The following PLPP4 variants were observed in gnomAD, a reference collection of about 807,000 sequenced individuals.
PLPP4 encodes diacylglycerol pyrophosphate like 2.
PLPP4 carries 20 observed loss-of-function variants against 32.2 expected under a neutral mutation model. The observed-to-expected ratio is 0.62, with a 90% CI of 0.44 to 0.90. The LOEUF is 0.90. Ranked by LOEUF, PLPP4 falls within the 40% of genes least tolerant of loss-of-function variation. PLPP4 has a pLI of 0.00. For synonymous variants in PLPP4, 127 were observed against 133.0 expected (o/e 0.95, Z 0.31); for missense variants, 257 against 353.1 (o/e 0.73, Z 2.18).
chr10:120,579,271 TAAGA>T (rs1849369891), intron 6 of PLPP4, among the ~76,000 whole-genome samples: 1 of 152,158 alleles, frequency 6.6e-6, no homozygotes, highest in East Asian at 1.9e-4. Flanking sequence ...TGTTTCATTA[TAAGA>T]AAGAACATCC....
chr10:120,582,771 C>T (rs1463203299), intron 6 of PLPP4, among the ~76,000 whole-genome samples: 2 of 83,460 alleles, frequency 2.4e-5, no homozygotes, highest in South Asian at 1.1e-3. Flanking sequence ...CCCTCCCTCC[C>T]TTCCTCCCTC....
At chr10:120,534,056 T>C (rs61871726) in intron 5 of PLPP4, among the ~76,000 whole-genome samples, 5,686 of 152,238 alleles carry the variant, frequency 0.037, 155 homozygotes, top group Non-Finnish European at 0.053. Flanking sequence ...ACTTTATTGG[T>C]GTTCTTTGTT....
intron 5 of PLPP4, among the ~76,000 whole-genome samples, chr10:120,549,512 G>A (rs1229944298): frequency 2.6e-5 from 4 of 151,810 alleles, no homozygotes. Flanking sequence ...GGCTCTGTAA[G>A]GCTATACAGA....
intron 2 of PLPP4, among the ~76,000 whole-genome samples, chr10:120,508,972 T>A (rs2133879407): frequency 6.6e-6 from 1 of 152,340 alleles, no homozygotes; most frequent in Middle Eastern, 3.4e-3. Context: ...GGTGGGCAGT[T>A]GGTTTGGGCT....
intron 5 of PLPP4, among the ~76,000 whole-genome samples, chr10:120,538,048 C>CTGTGTGTGTG (rs1564825171): frequency 1.4e-4 from 3 of 21,888 alleles, no homozygotes; most frequent in Non-Finnish European, 8.6e-5. Context: ...CTCTCTCTCT[C>CTGTGTGTGTG]TCTCTGTGTG....
chr10:120,545,773 A>T (rs930727201), intron 5 of PLPP4, among the ~76,000 whole-genome samples: 3 of 152,182 alleles, frequency 2.0e-5, no homozygotes, highest in South Asian at 2.1e-4. Context: ...GGGTTGAAGG[A>T]TGCAAAGTAT....
chr10:120,539,596 G>A (rs911633539), intron 5 of PLPP4, among the ~76,000 whole-genome samples: 1 of 151,814 alleles, frequency 6.6e-6, no homozygotes, highest in African/African-American at 2.4e-5. Flanking sequence ...AGAGATAAAT[G>A]ATCACTTTTA....
intron 1 of PLPP4, among the ~76,000 whole-genome samples, chr10:120,463,425 CACTA>C (rs1420223136): frequency 3.3e-5 from 5 of 152,204 alleles, no homozygotes; most frequent in African/African-American, 7.2e-5. Context: ...TCAGCTCTGC[CACTA>C]ACTAACAATT....
chr10:120,505,767 C>G (rs966157), intron 2 of PLPP4, among the ~76,000 whole-genome samples: 73,257 of 152,042 alleles, frequency 0.48, 17,882 homozygotes, highest in East Asian at 0.62. Flanking sequence ...CTAAAATCAG[C>G]CTTTTTTCAT....
chr10:120,463,497 C>A (rs953714094), intron 1 of PLPP4, among the ~76,000 whole-genome samples: 3 of 152,208 alleles, frequency 2.0e-5, no homozygotes, highest in African/African-American at 7.2e-5. Flanking sequence ...ATACTTACTT[C>A]ACTGGATTTT....
At chr10:120,481,846 A>G (rs1014643233) in intron 1 of PLPP4, among the ~76,000 whole-genome samples, 2 of 152,112 alleles carry the variant, frequency 1.3e-5, no homozygotes, top group African/African-American at 4.8e-5. Context: ...ACCCAGTGGG[A>G]GGTAATTGAA....
At position 120,589,542 on chromosome 10, in the gene PLPP4, T is replaced by A. The variant is rs1250869607; in HGVS notation, c.*40T>A. 6.7e-7 allele frequency: 1 copy of A among 1,489,340 alleles called. No homozygotes were observed. Among genetic ancestry groups the A allele is most frequent in the Admixed American group, 1.7e-5 (1 of 57,528 alleles). The allele number at this position is 1,489,340 out of a possible 1,614,324, so 92.3% of individuals were successfully genotyped here. A position where few individuals can be genotyped will look rare whatever the true frequency, so the allele number is the denominator to read the frequency against. On this transcript the variant is annotated 3_prime_UTR_variant, in exon 7 of 7. Transcript: ENST00000398250. ...GGATGGACACTAAGCCCTGGGCACA[T>A]CTGCCACCCTGACATCATAACACAA... is the stretch of plus-strand genomic sequence containing the variant.
intron 1 of PLPP4, among the ~76,000 whole-genome samples, chr10:120,495,855 A>C (rs1564795220): frequency 1.3e-5 from 2 of 152,178 alleles, no homozygotes; most frequent in Non-Finnish European, 2.9e-5. Flanking sequence ...CTGTTTGTGG[A>C]GGCCTTCAGT....
chr10:120,529,601 C>T (rs1846602392), intron 5 of PLPP4, among the ~76,000 whole-genome samples: 1 of 152,116 alleles, frequency 6.6e-6, no homozygotes, highest in Non-Finnish European at 1.5e-5. Flanking sequence ...AATCTCAGTG[C>T]CATGGGAGGC....
intron 1 of PLPP4, among the ~76,000 whole-genome samples, chr10:120,494,298 T>C (rs532804425): frequency 6.6e-6 from 1 of 152,308 alleles, no homozygotes; most frequent in South Asian, 2.1e-4. Context: ...ACCAACCCTC[T>C]GAGGTAGGCG....
chr10:120,572,940 T>A (rs1346951350), intron 5 of PLPP4, among the ~76,000 whole-genome samples: 1 of 152,206 alleles, frequency 6.6e-6, no homozygotes, highest in Non-Finnish European at 1.5e-5. Flanking sequence ...TCTCACATAT[T>A]TTTACTTTAA....
intron 5 of PLPP4, among the ~76,000 whole-genome samples, chr10:120,536,448 T>C (rs1249112709): frequency 6.6e-6 from 1 of 152,036 alleles, no homozygotes; most frequent in Non-Finnish European, 1.5e-5. Context: ...AAAGGTACTC[T>C]GTTCAATAAA....
At chr10:120,497,439 G>C (rs1407246248) in intron 1 of PLPP4, among the ~76,000 whole-genome samples, 1 of 152,020 alleles carries the variant, frequency 6.6e-6, no homozygotes, top group Non-Finnish European at 1.5e-5. Context: ...GCACACACAA[G>C]TGTGTGTTTA....
chr10:120,523,311 A>G (rs1264663454), intron 5 of PLPP4, among the ~76,000 whole-genome samples: 2 of 152,096 alleles, frequency 1.3e-5, no homozygotes, highest in Admixed American at 1.3e-4. Flanking sequence ...AAGAAAAGAA[A>G]AAAAAAAAAG....
Sources: allele counts gnomAD v4.1 joint callset (sites outside exome capture counted in the v4.1 genomes callset), GRCh38; gene constraint gnomAD v4.1.1; transcripts MANE v1.5; gene names NCBI Gene and HGNC (gene_info 2026-07-23, HGNC 2026-07-21).